Variants in OPCML observed in about 807,000 individuals in gnomAD.
OPCML encodes opioid-binding protein/cell adhesion molecule.
Under a neutral mutation model 37.8 loss-of-function variants are expected in OPCML, and 13 were observed. The ratio of observed to expected loss-of-function variants is 0.34; its 90% CI spans 0.22 to 0.55. OPCML has a LOEUF of 0.55. Among genes scored for constraint, OPCML ranks in the 20% least tolerant of loss-of-function variants. The pLI is 0.91. For synonymous variants in OPCML, 176 were observed against 168.8 expected, an observed-to-expected ratio of 1.04 and a Z score of -0.33; for missense variants, 341 against 435.6, an observed-to-expected ratio of 0.78 and a Z score of 1.93.
intron 1 of OPCML, among the ~76,000 whole-genome samples, chr11:133,106,619 T>C (rs912770384): frequency 1.3e-5 from 2 of 152,168 alleles, no homozygotes; most frequent in African/African-American, 4.8e-5. Flanking sequence ...AAAGCCAGGA[T>C]GAGGAAGCAA....
intron 1 of OPCML, among the ~76,000 whole-genome samples, chr11:133,219,696 A>C (rs933683624): frequency 1.6e-4 from 24 of 152,136 alleles, no homozygotes; most frequent in African/African-American, 4.6e-4. Flanking sequence ...CCCTTGACAG[A>C]GGAGCCCAGA....
chr11:133,501,217 G>A (rs1947906103), intron 1 of OPCML, among the ~76,000 whole-genome samples: 1 of 152,142 alleles, frequency 6.6e-6, no homozygotes, highest in Non-Finnish European at 1.5e-5. Context: ...TCTATACGCT[G>A]TCCACAGGCA....
At chr11:133,162,862 C>T (rs1326285510) in intron 1 of OPCML, among the ~76,000 whole-genome samples, 1 of 152,100 alleles carries the variant, frequency 6.6e-6, no homozygotes, top group Non-Finnish European at 1.5e-5. Flanking sequence ...TTCATAGTAG[C>T]GAAACGAGTG....
chr11:132,569,397 G>C (rs2096432101), intron 3 of OPCML, among the ~76,000 whole-genome samples: 1 of 152,196 alleles, frequency 6.6e-6, no homozygotes, highest in Non-Finnish European at 1.5e-5. Flanking sequence ...CTAGAACTGT[G>C]AGAAAATAAA....
At chr11:133,121,932 C>T (rs565308283) in intron 1 of OPCML, among the ~76,000 whole-genome samples, 28 of 152,278 alleles carry the variant, frequency 1.8e-4, no homozygotes, top group Middle Eastern at 3.4e-3. Context: ...TTTATAATTA[C>T]GCCTTATTTT....
At chr11:133,334,713 C>T (rs1943704379) in intron 1 of OPCML, among the ~76,000 whole-genome samples, 1 of 152,166 alleles carries the variant, frequency 6.6e-6, no homozygotes, top group African/African-American at 2.4e-5. Flanking sequence ...GGGTCCAGAA[C>T]AAGCAGACCG....
intron 1 of OPCML, among the ~76,000 whole-genome samples, chr11:133,044,487 C>T (rs751937491): frequency 5.3e-5 from 8 of 152,066 alleles, no homozygotes; most frequent in African/African-American, 1.4e-4. Flanking sequence ...TGAGTCACAC[C>T]AGTCTTTAAA....
At chr11:133,367,708 G>A (rs1212356593) in intron 1 of OPCML, among the ~76,000 whole-genome samples, 1 of 152,202 alleles carries the variant, frequency 6.6e-6, no homozygotes, top group Non-Finnish European at 1.5e-5. Flanking sequence ...GAGTTTTACA[G>A]AAGTCAAAGA....
At chr11:133,006,289 A>C in intron 1 of OPCML, 1 of 502,940 alleles carries the variant, frequency 2.0e-6, no homozygotes, top group Non-Finnish European at 2.6e-6. Context: ...GCCTGGTGAG[A>C]GAGATTCCCT....
chr11:133,223,886 G>A (rs1439264949), intron 1 of OPCML, among the ~76,000 whole-genome samples: 1 of 152,182 alleles, frequency 6.6e-6, no homozygotes, highest in Non-Finnish European at 1.5e-5. Flanking sequence ...TAGCATCTGA[G>A]TGTTAAGCCA....
chr11:132,735,462 T>C (rs1014150302), intron 2 of OPCML, among the ~76,000 whole-genome samples: 50 of 152,262 alleles, frequency 3.3e-4, no homozygotes, highest in African/African-American at 1.2e-3. Context: ...AAGGGACCTA[T>C]ACATCTCACA....
At chr11:133,511,713 G>C (rs11223489) in intron 1 of OPCML, among the ~76,000 whole-genome samples, 64,043 of 149,470 alleles carry the variant, frequency 0.43, 18,069 homozygotes, top group African/African-American at 0.8. Flanking sequence ...TTTTTTTTTT[G>C]CTTTTTTCCA....
intron 3 of OPCML, among the ~76,000 whole-genome samples, chr11:132,634,725 G>T (rs984319204): frequency 2.0e-5 from 3 of 152,058 alleles, no homozygotes; most frequent in Non-Finnish European, 2.9e-5. Flanking sequence ...CCACCCTACT[G>T]CCCTTGGAAG....
intron 2 of OPCML, among the ~76,000 whole-genome samples, chr11:132,934,238 C>T (rs1168647527): frequency 6.6e-6 from 1 of 152,072 alleles, no homozygotes; most frequent in African/African-American, 2.4e-5. Flanking sequence ...GGGCAGGCCT[C>T]GACCCTCAGA....
chr11:132,748,364 G>A (rs1945712192), intron 2 of OPCML, among the ~76,000 whole-genome samples: 1 of 152,068 alleles, frequency 6.6e-6, no homozygotes, highest in South Asian at 2.1e-4. Flanking sequence ...CCCGCTTTCT[G>A]TAAGCTCCTG....
At chr11:132,897,593 G>A (rs1943898232) in intron 2 of OPCML, among the ~76,000 whole-genome samples, 1 of 152,214 alleles carries the variant, frequency 6.6e-6, no homozygotes, top group Non-Finnish European at 1.5e-5. Flanking sequence ...ATCGGGCTTT[G>A]TGGACAAATG....
At chr11:132,934,187 G>A (rs944852424) in intron 2 of OPCML, among the ~76,000 whole-genome samples, 1 of 152,158 alleles carries the variant, frequency 6.6e-6, no homozygotes, top group African/African-American at 2.4e-5. Context: ...GGTAAGCATT[G>A]GAAAGTCCTG....
chr11:132,536,640 A>T (rs189921069), intron 3 of OPCML, among the ~76,000 whole-genome samples: 1 of 152,238 alleles, frequency 6.6e-6, no homozygotes, highest in Non-Finnish European at 1.5e-5. Context: ...TTTTACAAAA[A>T]TAATACCGAA....
intron 1 of OPCML, among the ~76,000 whole-genome samples, chr11:133,149,211 G>A (rs745707978): frequency 2.0e-5 from 3 of 152,168 alleles, no homozygotes; most frequent in Non-Finnish European, 4.4e-5. Flanking sequence ...ACTTTGTTAC[G>A]CACCATGATA....
Sources: allele counts gnomAD v4.1 joint callset (sites outside exome capture counted in the v4.1 genomes callset), GRCh38; gene constraint gnomAD v4.1.1; transcripts MANE v1.5; gene names NCBI Gene and HGNC (gene_info 2026-07-23, HGNC 2026-07-21).